ZNF557: variants seen among roughly 807,000 people sequenced by gnomAD.
ZNF557 encodes zinc finger protein 557.
Under a neutral mutation model 21.2 loss-of-function variants are expected in ZNF557, and 19 were observed. The observed-to-expected ratio is 0.90, with a 90% CI of 0.63 to 1.32. The LOEUF (loss-of-function observed/expected upper bound fraction) is 1.32. Among genes scored for constraint, ZNF557 ranks in the 40% most tolerant of loss-of-function variants. ZNF557 has a pLI of 0.00. For synonymous variants in ZNF557, 207 were observed against 194.8 expected, an observed-to-expected ratio of 1.06 and a Z score of -0.52; for missense variants, 487 against 519.8, an observed-to-expected ratio of 0.94 and a Z score of 0.61.
At position 7,083,007 on chromosome 19, in the gene ZNF557, G is replaced by A; in HGVS notation, c.556G>A (p.Gly186Arg). Residue 186 changes from glycine (G) to arginine (R), a missense_variant, in exon 8 of 8, where the codon GGG becomes AGG. Transcript: ENST00000252840. ...GERPYGCSEC[G>R]KSYSSRSYLA... ...AAGACCCTATGGCTGCAGTGAATGT[G>A]GGAAATCCTACAGCAGTAGATCTTA... 1 of 1,614,138 alleles carries A rather than the reference G, an allele frequency of 6.2e-7. No homozygotes were observed. The highest frequency in any genetic ancestry group is 8.5e-7 in the Non-Finnish European group (1 of 1,180,030).
Position 7,087,227 on chromosome 19 carries a change from C to CCA in ZNF557, c.*3483_*3484insCA, listed in dbSNP as rs1977879398. 1.7e-5 allele frequency: 1 copy of CCA among 57,626 alleles called. No homozygotes were observed. Among genetic ancestry groups the CCA allele is most frequent in the Non-Finnish European group, 3.1e-5 (1 of 32,118 alleles). 3.6% of individuals were successfully genotyped at this position (57,626 alleles called of 1,614,324 possible). ...CTTTTTTTTTTTTTTTTTTTTTTTT[C>CCA]TTCACTGTGGTGATAAAAACCACAG... On this transcript the variant is annotated 3_prime_UTR_variant, in exon 8 of 8. Coordinates refer to ENST00000252840, the MANE Select transcript of ZNF557 (RefSeq NM_024341.3).
At chr19:7,069,974 C>T (rs986112791) in intron 1 of ZNF557, among the ~76,000 whole-genome samples, 9 of 152,252 alleles carry the variant, frequency 5.9e-5, no homozygotes, top group African/African-American at 2.2e-4. Flanking sequence ...TTCTGCGCCC[C>T]AGGGGACTTT....
In ZNF557 at chr19:7,084,508, G is replaced by C. The variant is rs1977792012; in HGVS notation, c.*764G>C. ...TGGGACTACAGGTGCATGACACCAT[G>C]TCTGGCTAATTTGTTTTTTTTTAAA... On this transcript the variant is annotated 3_prime_UTR_variant, in exon 8 of 8. Coordinates refer to ENST00000252840, the MANE Select transcript of ZNF557 (RefSeq NM_024341.3). 1.3e-5 allele frequency: 2 copies of C among 151,044 alleles called. No individual in the cohort carries two copies. The highest frequency in any genetic ancestry group is 4.9e-5 in the African/African-American group (2 of 40,948). The allele number at this position is 151,044 out of a possible 1,614,324, so 9.4% of individuals were successfully genotyped here. A position where few individuals can be genotyped will look rare whatever the true frequency, so the allele number is the denominator to read the frequency against.
At chr19:7,070,763 G>A (rs981405286) in intron 2 of ZNF557, 110 bp downstream of exon 2, 1 of 117,530 alleles carries the variant, frequency 8.5e-6, no homozygotes, top group African/African-American at 3.3e-5. Flanking sequence ...TAACAGTGAG[G>A]GTATTTTTTT....
intron 2 of ZNF557, 66 bp from the exon 3 acceptor site, chr19:7,074,930 G>A (rs1394241567): frequency 1.5e-6 from 2 of 1,371,116 alleles, no homozygotes; most frequent in African/African-American, 2.9e-5. Context: ...AGGAGACGGG[G>A]TGACCGACGC....
At position 7,074,331 on chromosome 19, in the gene ZNF557, TAC is replaced by T. The variant is rs71177149; in HGVS notation, c.-79-639_-79-638del. Among the ~76,000 whole-genome samples, 60 of 150,118 alleles carry T rather than the reference TAC, an allele frequency of 4.0e-4. No homozygotes were observed. The East Asian group carries it at 9.0e-3, about 22-fold the overall frequency. ...AGCCGCTTTCATCTTTGTGTGTATATACACACACACACACACACACACACACA... is the reference window on the plus strand; with the variant it reads ...AGCCGCTTTCATCTTTGTGTGTATATACACACACACACACACACACACACA... On this transcript the variant is annotated intron_variant, in intron 2 of 7. Coordinates refer to ENST00000252840, the MANE Select transcript of ZNF557 (RefSeq NM_024341.3).
intron 2 of ZNF557, among the ~76,000 whole-genome samples, chr19:7,071,256 C>G (rs1290368960): frequency 6.6e-6 from 1 of 150,438 alleles, no homozygotes; most frequent in African/African-American, 2.4e-5. Context: ...TTTTTCTTTT[C>G]CTAACAGGCC....
rs1343398770 is a variant in ZNF557 at position 7,084,964 on chromosome 19, T to G, written c.*1220T>G. ...TCGGAGATCATACAACAGAGGAATA[T>G]GTTGAGTATACACAGTGTTGAAAAG... On this transcript the variant is annotated 3_prime_UTR_variant, in exon 8 of 8. Transcript: ENST00000252840. 1 of 152,182 alleles carries G rather than the reference T, an allele frequency of 6.6e-6. No homozygotes were observed. The highest frequency in any genetic ancestry group is 1.5e-5 in the Non-Finnish European group (1 of 68,048). 9.4% of individuals were successfully genotyped at this position (152,182 alleles called of 1,614,324 possible).
chr19:7,069,949 C>T (rs1429760532), intron 1 of ZNF557, among the ~76,000 whole-genome samples, 176 bp downstream of exon 1: 1 of 152,194 alleles, frequency 6.6e-6, no homozygotes, highest in Non-Finnish European at 1.5e-5. Context: ...ACCCTGTCGC[C>T]CTCACCCGGG....
Position 7,083,071 on chromosome 19 carries a change from C to T in ZNF557, c.620C>T (p.Pro207Leu). The T allele has an allele frequency of 6.2e-7, 1 of 1,614,086 alleles. No homozygotes were observed. Among genetic ancestry groups the T allele is most frequent in the Non-Finnish European group, 8.5e-7 (1 of 1,179,974 alleles). ...VHKRIHNGEK[P>L]YECNDCGKTF... ...AAGAGAATCCACAATGGGGAGAAAC[C>T]CTATGAATGCAATGACTGTGGGAAA... Residue 207 changes from proline to leucine, a missense_variant, in exon 8 of 8, where the codon CCC becomes CTC. Transcript: ENST00000252840.
In ZNF557 at chr19:7,083,248, G is replaced by A; in HGVS notation, c.797G>A (p.Cys266Tyr). The change falls in exon 8 of 8, where the codon TGT becomes TAT. Residue 266 changes from cysteine to tyrosine, a missense_variant. Physicochemically the swap from Cys to Tyr is radical, Grantham distance 194 (BLOSUM62 -2). Coordinates refer to ENST00000252840, the MANE Select transcript of ZNF557 (RefSeq NM_024341.3). ...RIHTGEKPYKCNQCFREFRTQ... is the reference protein window; with the variant it reads ...RIHTGEKPYKYNQCFREFRTQ... The stretch of plus-strand genomic sequence containing the variant: ...CACACTGGAGAAAAACCGTACAAAT[G>A]TAACCAGTGTTTTCGTGAGTTCCGC... The A allele has an allele frequency of 1.2e-6, 2 of 1,614,192 alleles. No individual in the cohort carries two copies. The highest frequency in any genetic ancestry group is 1.7e-6 in the Non-Finnish European group (2 of 1,180,026).
chr19:7,085,632 A>G lies in ZNF557; in HGVS notation c.*1888A>G, dbSNP rs901244401. 6.6e-5 allele frequency: 10 copies of G among 152,198 alleles called. No homozygotes were observed. The highest frequency in any genetic ancestry group is 2.4e-4 in the African/African-American group (10 of 41,454). 9.4% of individuals were successfully genotyped at this position (152,198 alleles called of 1,614,324 possible). A position where few individuals can be genotyped will look rare whatever the true frequency, so the allele number is the denominator to read the frequency against. ...AGAGAATTCATTTAGAGGAAGCCCT[A>G]GGAACGTAATCAATGTTAGGATGCC... On this transcript the variant is annotated 3_prime_UTR_variant, in exon 8 of 8. Transcript: ENST00000252840.
intron 5 of ZNF557, among the ~76,000 whole-genome samples, chr19:7,080,239 G>T (rs1299294211): frequency 6.6e-6 from 1 of 151,622 alleles, no homozygotes; most frequent in Non-Finnish European, 1.5e-5. Flanking sequence ...AGGAGGTGGA[G>T]GTTGCAGTGA....
chr19:7,080,809 C>A (rs1279567934), intron 5 of ZNF557, among the ~76,000 whole-genome samples: 2 of 152,156 alleles, frequency 1.3e-5, no homozygotes, highest in African/African-American at 4.8e-5. Flanking sequence ...GAAGTTGATT[C>A]TGTGTTTGCC....
In ZNF557 at chr19:7,087,735, G is replaced by C. The variant is rs983085911; in HGVS notation, c.*3991G>C. On this transcript the variant is annotated 3_prime_UTR_variant, in exon 8 of 8. Transcript: ENST00000252840. The stretch of plus-strand genomic sequence containing the variant: ...GTGTGTGTGTGTGTTTGGTTGGGGG[G>C]TGTTGTGTTAGCTTCCAGGTGAATG... 3.3e-5 allele frequency: 5 copies of C among 151,600 alleles called. No individual in the cohort carries two copies. Among genetic ancestry groups the C allele is most frequent in the African/African-American group, 1.2e-4 (5 of 41,224 alleles). The allele number at this position is 151,600 out of a possible 1,614,324, so 9.4% of individuals were successfully genotyped here. A position where few individuals can be genotyped will look rare whatever the true frequency, so the allele number is the denominator to read the frequency against.
chr19:7,079,238 TTC>T (rs1977643767), intron 5 of ZNF557, among the ~76,000 whole-genome samples: 16 of 110,232 alleles, frequency 1.5e-4, no homozygotes, highest in Admixed American at 5.3e-4. Flanking sequence ...CATTTTTTGT[TTC>T]TTTTTTTTTT....
intron 4 of ZNF557, 119 bp downstream of exon 4, chr19:7,075,862 CTGAG>C (rs1977578318): frequency 2.0e-6 from 3 of 1,507,024 alleles, no homozygotes; most frequent in African/African-American, 1.4e-5. Context: ...CCCAGGGTCT[CTGAG>C]TGAGGGCTGC....
At chr19:7,079,433 G>GT (rs965828305) in intron 5 of ZNF557, among the ~76,000 whole-genome samples, 2 of 67,958 alleles carry the variant, frequency 2.9e-5, no homozygotes, top group African/African-American at 1.7e-4. Flanking sequence ...AGTAGAGACA[G>GT]GGTTCACCGT....
chr19:7,078,187 T>A (rs1017741957), intron 5 of ZNF557, among the ~76,000 whole-genome samples: 1 of 152,198 alleles, frequency 6.6e-6, no homozygotes, highest in South Asian at 2.1e-4. Flanking sequence ...TATGTCATCA[T>A]CCCACTGGCT....
Sources: gnomAD v4.1 joint callset for allele counts (sites outside exome capture counted in the v4.1 genomes callset) on GRCh38, gnomAD v4.1.1 for gene constraint, MANE v1.5 for transcripts, NCBI Gene and HGNC (gene_info 2026-07-23, HGNC 2026-07-21) for gene names.